Variants in HSD17B6 observed in about 807,000 individuals in gnomAD.
HSD17B6 encodes the protein 17-beta-hydroxysteroid dehydrogenase type 6.
A neutral mutation model predicts 26.4 loss-of-function variants in HSD17B6; 16 were observed. The ratio of observed to expected loss-of-function variants is 0.61; its 90% confidence interval spans 0.41 to 0.92. The LOEUF (loss-of-function observed/expected upper bound fraction) is 0.92, where lower values mean the gene tolerates loss of function less well. HSD17B6 is among the 40% of genes least tolerant of loss of function. HSD17B6 has a pLI of 0.00. For missense variants in HSD17B6, 357 were observed against 386.1 expected, an observed-to-expected ratio of 0.92 and a Z score of 0.63; for synonymous variants, 139 against 153.0, an observed-to-expected ratio of 0.91 and a Z score of 0.68.
chr12:56,781,613 C>T (rs1399793615), intron 2 of HSD17B6, among the ~76,000 whole-genome samples: 1 of 152,034 alleles, frequency 6.6e-6, no homozygotes, highest in Non-Finnish European at 1.5e-5. Flanking sequence ...ACCATCCTAG[C>T]CAACATGGTG....
rs60596799 is a variant in HSD17B6 at position 56,777,365 on chromosome 12, A to ATTTTT, written c.313+3211_313+3215dup. ...CTTGCCTTGGCCTTCCAAAGTGTAA[A>ATTTTT]TTTTTTTTTTTTTTTGGAAATGGAG... is the stretch of plus-strand genomic sequence containing the variant. On this transcript the variant is annotated intron_variant, in intron 2 of 4. Transcript: ENST00000322165. 3.7e-4 allele frequency among the ~76,000 whole-genome samples: 51 copies of ATTTTT among 138,916 alleles called. 3 individuals are homozygous for ATTTTT. The highest frequency in any genetic ancestry group is 6.2e-4 in the African/African-American group (22 of 35,464). The allele number at this position is 138,916 out of a possible 152,430, so 91.1% of individuals were successfully genotyped here.
intron 2 of HSD17B6, among the ~76,000 whole-genome samples, chr12:56,775,385 T>A (rs78005181): frequency 6.6e-6 from 1 of 151,784 alleles, no homozygotes; most frequent in Non-Finnish European, 1.5e-5. Context: ...GCCTGGCTAA[T>A]TTTTTTTTAT....
chr12:56,764,184 G>A (rs371023694), intron 1 of HSD17B6, among the ~76,000 whole-genome samples: 3 of 152,104 alleles, frequency 2.0e-5, no homozygotes, highest in South Asian at 4.1e-4. Context: ...GCCCAAGTGG[G>A]AAGAAAAGAA....
At chr12:56,785,942 A>T in intron 4 of HSD17B6, 1 of 985,190 alleles carries the variant, frequency 1.0e-6, no homozygotes, top group Non-Finnish European at 1.2e-6. Context: ...TCAATTTCCT[A>T]TAAGAATATT....
chr12:56,783,671 C>T lies in HSD17B6; in HGVS notation c.573-1182C>T, dbSNP rs554705642. 2.8e-3 allele frequency among the ~76,000 whole-genome samples: 307 copies of T among 109,404 alleles called. 3 individuals carry two copies. The highest frequency in any genetic ancestry group is 0.012 in the African/African-American group (294 of 24,674). The allele number at this position is 109,404 out of a possible 152,430, so 71.8% of individuals were successfully genotyped here. On this transcript the variant is annotated intron_variant, in intron 3 of 4. Coordinates refer to ENST00000322165, the MANE Select transcript of HSD17B6 (RefSeq NM_003725.4). ...CCCCCCACCTCCCTCTCGGACGGGA[C>T]GGCTGGCCGGGCGGGGGGCTGACCC...
At chr12:56,783,904 C>A (rs1280209437) in intron 3 of HSD17B6, among the ~76,000 whole-genome samples, 1 of 151,428 alleles carries the variant, frequency 6.6e-6, no homozygotes, top group Admixed American at 6.6e-5. Context: ...GGTGGAGGGG[C>A]TCCTCACTTC....
At position 56,787,464 on chromosome 12, in the gene HSD17B6, A is replaced by C; in HGVS notation, c.*122A>C. 1 of 652,778 alleles carries C rather than the reference A, an allele frequency of 1.5e-6. No homozygotes were observed. The highest frequency in any genetic ancestry group is 1.9e-5 in the South Asian group (1 of 51,684). The allele number at this position is 652,778 out of a possible 1,614,324, so 40.4% of individuals were successfully genotyped here. On this transcript the variant is annotated 3_prime_UTR_variant, in exon 5 of 5. Coordinates refer to ENST00000322165, the MANE Select transcript of HSD17B6 (RefSeq NM_003725.4). ...TGTGTTTTCTTGCCTAAATTCATTT[A>C]TCTGGCATCATCAGAGTACTAACAT... is the stretch of plus-strand genomic sequence containing the variant.
chr12:56,766,503 G>T (rs932696770), intron 1 of HSD17B6, among the ~76,000 whole-genome samples: 1 of 152,146 alleles, frequency 6.6e-6, no homozygotes, highest in African/African-American at 2.4e-5. Context: ...TCATTTTAAA[G>T]CTCTTTGGTT....
Position 56,787,435 on chromosome 12 carries a change from A to T in HSD17B6, c.*93A>T, listed in dbSNP as rs1954903915. ...TGATTTAGAACCCAGGCTTTTTGTA[A>T]CAATGTGTTTTCTTGCCTAAATTCA... On this transcript the variant is annotated 3_prime_UTR_variant, in exon 5 of 5. Transcript: ENST00000322165. 1.3e-6 allele frequency: 1 copy of T among 788,344 alleles called. No homozygotes were observed. The highest frequency in any genetic ancestry group is 2.1e-6 in the Non-Finnish European group (1 of 486,732). 48.8% of individuals were successfully genotyped at this position (788,344 alleles called of 1,614,324 possible).
intron 2 of HSD17B6, among the ~76,000 whole-genome samples, chr12:56,777,154 G>A (rs2137914747): frequency 6.6e-6 from 1 of 152,258 alleles, no homozygotes; most frequent in Non-Finnish European, 1.5e-5. Context: ...AGGCTGAGGT[G>A]GGAACATTGC....
chr12:56,772,923 A>C (rs976857317), intron 1 of HSD17B6, among the ~76,000 whole-genome samples: 2 of 152,160 alleles, frequency 1.3e-5, no homozygotes, highest in African/African-American at 4.8e-5. Context: ...TGCATAGACT[A>C]GCCTCATGCA....
chr12:56,763,888 T>A (rs1007997558), intron 1 of HSD17B6, among the ~76,000 whole-genome samples: 1 of 151,520 alleles, frequency 6.6e-6, no homozygotes, highest in Non-Finnish European at 1.5e-5. Flanking sequence ...GGCAACATGA[T>A]GAAACCCTGT....
At chr12:56,782,896 G>A (rs919536855) in intron 3 of HSD17B6, among the ~76,000 whole-genome samples, 1 of 151,924 alleles carries the variant, frequency 6.6e-6, no homozygotes, top group Non-Finnish European at 1.5e-5. Context: ...ATCTTGCACC[G>A]CCCTTAATCC....
chr12:56,775,174 G>A (rs1163128139), intron 2 of HSD17B6, among the ~76,000 whole-genome samples: 1 of 152,124 alleles, frequency 6.6e-6, no homozygotes, highest in Non-Finnish European at 1.5e-5. Context: ...TGTTTATTTT[G>A]TTGTTGAAAA....
intron 1 of HSD17B6, among the ~76,000 whole-genome samples, chr12:56,765,148 T>A (rs1400880105): frequency 1.3e-5 from 2 of 152,038 alleles, no homozygotes; most frequent in African/African-American, 4.8e-5. Flanking sequence ...AAGAAAATTT[T>A]TTTTTAGGCT....
intron 4 of HSD17B6, among the ~76,000 whole-genome samples, chr12:56,786,243 T>TTG (rs1565924995): frequency 6.7e-6 from 1 of 149,668 alleles, no homozygotes; most frequent in African/African-American, 2.4e-5. Context: ...CAGAATTAAG[T>TTG]TGTGTGTTTT....
chr12:56,782,841 C>T (rs1280607944), intron 3 of HSD17B6, among the ~76,000 whole-genome samples: 1 of 151,940 alleles, frequency 6.6e-6, no homozygotes, highest in Non-Finnish European at 1.5e-5. Flanking sequence ...GTGGTGATGA[C>T]TCTTAACGAG....
rs184240698 is a variant in HSD17B6 at position 56,772,588 on chromosome 12, C to T, written c.-19-1246C>T. ...GCACGTGCCTGTAATCCCAGCTACT[C>T]GGGAGGCTGAGGCAAGGAGAATCAC... On this transcript the variant is annotated intron_variant, in intron 1 of 4. Transcript: ENST00000322165. Among the ~76,000 whole-genome samples the T allele has an allele frequency of 4.6e-3, 696 of 150,192 alleles. 5 individuals are homozygous for T. Among genetic ancestry groups the T allele is most frequent in the Non-Finnish European group, 7.2e-3 (488 of 67,726 alleles).
At chr12:56,766,270 C>T (rs1000403281) in intron 1 of HSD17B6, among the ~76,000 whole-genome samples, 1 of 152,184 alleles carries the variant, frequency 6.6e-6, no homozygotes, top group African/African-American at 2.4e-5. Context: ...CCTTGTTGCT[C>T]ACACAAAGCC....
Sources: allele counts gnomAD v4.1 joint callset (sites outside exome capture counted in the v4.1 genomes callset), GRCh38; gene constraint gnomAD v4.1.1; transcripts MANE v1.5; gene names NCBI Gene and HGNC (gene_info 2026-07-23, HGNC 2026-07-21).